EIF2S1: variants seen among roughly 807,000 people sequenced by gnomAD.
EIF2S1 encodes eukaryotic translation initiation factor 2 subunit alpha, also known as eukaryotic translation initiation factor 2 subunit 1.
A neutral mutation model predicts 33.5 loss-of-function variants in EIF2S1; 5 were observed. That is an observed-to-expected ratio of 0.15 (90% CI 0.08 to 0.31). The LOEUF (loss-of-function observed/expected upper bound fraction) is 0.31. EIF2S1 is among the 10% of genes least tolerant of loss of function. The pLI, the probability that EIF2S1 is intolerant of heterozygous loss-of-function variation, is 1.00. For synonymous variants in EIF2S1, 99 were observed against 127.5 expected, an observed-to-expected ratio of 0.78 and a Z score of 1.51; for missense variants, 191 against 384.6, an observed-to-expected ratio of 0.50 and a Z score of 4.21.
chr14:67,379,216 A>G (rs1434727340), intron 4 of EIF2S1, among the ~76,000 whole-genome samples: 1 of 152,198 alleles, frequency 6.6e-6, no homozygotes, highest in Non-Finnish European at 1.5e-5. Flanking sequence ...TTTCTAATAT[A>G]TATGCCTAGG....
intron 2 of EIF2S1, among the ~76,000 whole-genome samples, chr14:67,371,559 A>G (rs565769378): frequency 6.6e-6 from 1 of 152,332 alleles, no homozygotes; most frequent in East Asian, 1.9e-4. Context: ...CTTATAGCCT[A>G]TACACACATA....
chr14:67,383,550 T>G lies in EIF2S1; in HGVS notation c.*110T>G, dbSNP rs550657936. On this transcript the variant is annotated 3_prime_UTR_variant, in exon 8 of 8. Coordinates refer to ENST00000256383, the MANE Select transcript of EIF2S1 (RefSeq NM_004094.5). ...TGAAAACTTCAAAGCTGAATATTTT[T>G]TATTTCTAAGTATTTAAATGTTCTA... 6.2e-6 allele frequency: 9 copies of G among 1,460,470 alleles called. No individual in the cohort carries two copies. The African/African-American group carries it at 1.1e-4, about 18-fold the overall frequency. 90.5% of individuals were successfully genotyped at this position (1,460,470 alleles called of 1,614,324 possible).
chr14:67,366,400 A>G (rs1388750140), intron 2 of EIF2S1, among the ~76,000 whole-genome samples: 2 of 152,222 alleles, frequency 1.3e-5, no homozygotes, highest in African/African-American at 4.8e-5. Context: ...AAATATACAC[A>G]AAAGGAGGAA....
intron 2 of EIF2S1, among the ~76,000 whole-genome samples, chr14:67,365,556 C>G (rs2085770368): frequency 6.6e-6 from 1 of 152,160 alleles, no homozygotes; most frequent in African/African-American, 2.4e-5. Flanking sequence ...ATCTTTCAGA[C>G]AGTTTTGGAT....
At chr14:67,362,303 A>G (rs890539190) in intron 1 of EIF2S1, among the ~76,000 whole-genome samples, 2 of 152,108 alleles carry the variant, frequency 1.3e-5, no homozygotes, top group African/African-American at 4.8e-5. Flanking sequence ...TACAGGTGTG[A>G]GCCACTGCGC....
chr14:67,364,942 A>G lies in EIF2S1; in HGVS notation c.175A>G (p.Ile59Val). 6.2e-7 allele frequency: 1 copy of G among 1,614,118 alleles called. No homozygotes were observed. Among genetic ancestry groups the G allele is most frequent in the Non-Finnish European group, 8.5e-7 (1 of 1,179,978 alleles). Residue 59 changes from isoleucine (I) to valine (V), a missense_variant, in exon 2 of 8, where the codon ATC (isoleucine) becomes GTC (valine). Ile to Val is a conservative substitution (Grantham distance 29, BLOSUM62 3). Transcript: ENST00000256383. ...ATTATCCAGAAGGCGTATCCGTTCT[A>G]TCAACAAACTCATCCGAATTGGCAG... ...SELSRRRIRSINKLIRIGRNE... is the reference protein window; with the variant it reads ...SELSRRRIRSVNKLIRIGRNE...
At chr14:67,362,289 G>T (rs553505686) in intron 1 of EIF2S1, among the ~76,000 whole-genome samples, 1 of 151,768 alleles carries the variant, frequency 6.6e-6, no homozygotes, top group Admixed American at 6.6e-5. Context: ...CAAAGTGCTG[G>T]GATTACAGGT....
intron 4 of EIF2S1, among the ~76,000 whole-genome samples, chr14:67,377,898 A>G (rs993020500): frequency 1.3e-5 from 2 of 151,894 alleles, no homozygotes; most frequent in African/African-American, 4.8e-5. Flanking sequence ...GCTTGAGGCC[A>G]GGAGTTGGAG....
In EIF2S1 at chr14:67,364,996, G is replaced by C; in HGVS notation, c.229G>C (p.Asp77His). The C allele has an allele frequency of 6.3e-7, 1 of 1,591,452 alleles. No homozygotes were observed. Among genetic ancestry groups the C allele is most frequent in the Non-Finnish European group, 8.6e-7 (1 of 1,168,134 alleles). Residue 77 changes from aspartate to histidine, a missense_variant, in exon 2 of 8, where the codon GAC (aspartate) becomes CAC (histidine). Asp to His is a moderately conservative substitution (Grantham distance 81). Coordinates refer to ENST00000256383, the MANE Select transcript of EIF2S1 (RefSeq NM_004094.5). ...TGAGTGTGTGGTTGTCATTAGGGTG[G>C]ACAAAGAAAAAGGTAAGTGAGAAAA... is the stretch of plus-strand genomic sequence containing the variant. ...RNECVVVIRV[D>H]KEKGYIDLSK...
rs1464358957 is a variant in EIF2S1 at position 67,386,266 on chromosome 14, AT to A, written c.*2828del. On this transcript the variant is annotated 3_prime_UTR_variant, in exon 8 of 8. Coordinates refer to ENST00000256383, the MANE Select transcript of EIF2S1 (RefSeq NM_004094.5). ...TTACCATATAAGGAATAAGTAAAACATTAGCTTGTGATTTCTCATTATTCAG... is the reference window on the plus strand; with the variant it reads ...TTACCATATAAGGAATAAGTAAAACATAGCTTGTGATTTCTCATTATTCAG... 1 of 152,684 alleles carries A rather than the reference AT, an allele frequency of 6.5e-6. No homozygotes were observed. Among genetic ancestry groups the A allele is most frequent in the Non-Finnish European group, 1.5e-5 (1 of 68,040 alleles). The allele number at this position is 152,684 out of a possible 1,614,324, so 9.5% of individuals were successfully genotyped here.
In EIF2S1 at chr14:67,374,535, A is replaced by G; in HGVS notation, c.309A>G (p.Thr103=). The G allele has an allele frequency of 6.2e-7, 1 of 1,607,400 alleles. No individual in the cohort carries two copies. The highest frequency in any genetic ancestry group is 1.7e-4 in the Middle Eastern group (1 of 6,036). ...EEAIKCEDKF[T]KSKTVYSILR... Reference sequence around the variant, plus strand: ...CAATCAAATGTGAAGACAAATTCACAAAATCCAAAACTGTAAGTTGATCTT... The same window carrying G: ...CAATCAAATGTGAAGACAAATTCACGAAATCCAAAACTGTAAGTTGATCTT... Residue 103 remains threonine (T), a synonymous_variant, in exon 3 of 8, where the codon ACA becomes ACG. Transcript: ENST00000256383.
intron 4 of EIF2S1, among the ~76,000 whole-genome samples, chr14:67,378,474 A>G (rs1319439304): frequency 6.6e-6 from 1 of 152,162 alleles, no homozygotes; most frequent in Non-Finnish European, 1.5e-5. Flanking sequence ...GAGATTAAAT[A>G]ATTTGTTCAA....
intron 5 of EIF2S1, among the ~76,000 whole-genome samples, chr14:67,381,032 G>A (rs1245774639): frequency 2.6e-5 from 4 of 152,050 alleles, no homozygotes; most frequent in Non-Finnish European, 5.9e-5. Flanking sequence ...TTTTGTTTTA[G>A]TGCATACTTT....
intron 2 of EIF2S1, among the ~76,000 whole-genome samples, chr14:67,371,911 A>G (rs2085824341): frequency 6.6e-6 from 1 of 152,262 alleles, no homozygotes; most frequent in Admixed American, 6.5e-5. Flanking sequence ...CAATGTATAA[A>G]AAGGATAATA....
chr14:67,385,346 C>CT lies in EIF2S1; in HGVS notation c.*1908dup, dbSNP rs1359455610. 1.3e-5 allele frequency: 2 copies of CT among 151,178 alleles called. No homozygotes were observed. Among genetic ancestry groups the CT allele is most frequent in the Non-Finnish European group, 2.9e-5 (2 of 67,864 alleles). 9.4% of individuals were successfully genotyped at this position (151,178 alleles called of 1,614,324 possible). On this transcript the variant is annotated 3_prime_UTR_variant, in exon 8 of 8. Transcript: ENST00000256383. The stretch of plus-strand genomic sequence containing the variant: ...GTAGCTCATGCCTGTAACCCTGGCA[C>CT]TTAAGGGGCCAAGGCAGGAGGATCA...
intron 1 of EIF2S1, among the ~76,000 whole-genome samples, chr14:67,362,491 C>T (rs1230468092): frequency 6.6e-6 from 1 of 152,116 alleles, no homozygotes; most frequent in East Asian, 1.9e-4. Flanking sequence ...ACATGTGATA[C>T]CCTCAGTAAA....
chr14:67,378,935 G>A (rs547417498), intron 4 of EIF2S1, among the ~76,000 whole-genome samples: 1 of 152,222 alleles, frequency 6.6e-6, no homozygotes, highest in African/African-American at 2.4e-5. Context: ...TACTACATAT[G>A]TGTCTATTAT....
intron 2 of EIF2S1, among the ~76,000 whole-genome samples, chr14:67,373,298 A>T (rs1242079956): frequency 6.6e-6 from 1 of 152,218 alleles, no homozygotes; most frequent in Non-Finnish European, 1.5e-5. Context: ...ACTTAACACT[A>T]AAAGTGGTGA....
At chr14:67,378,314 C>CA (rs2085868518) in intron 4 of EIF2S1, among the ~76,000 whole-genome samples, 1 of 107,630 alleles carries the variant, frequency 9.3e-6, no homozygotes, top group African/African-American at 3.4e-5. Context: ...TCTCATGTGA[C>CA]TTTTTTTTTT....
Sources: allele counts gnomAD v4.1 joint callset (sites outside exome capture counted in the v4.1 genomes callset), GRCh38; gene constraint gnomAD v4.1.1; transcripts MANE v1.5; gene names NCBI Gene and HGNC (gene_info 2026-07-23, HGNC 2026-07-21).